The following KIAA1217 variants were observed in gnomAD, a reference collection of about 807,000 sequenced individuals.
KIAA1217 encodes the protein sickle tail protein homolog.
Under a neutral mutation model 163.9 loss-of-function variants are expected in KIAA1217, and 88 were observed. That is an observed-to-expected ratio of 0.54 (90% confidence interval 0.45 to 0.64). The LOEUF is 0.64. KIAA1217 is among the 30% of genes least tolerant of loss of function. KIAA1217 has a pLI of 0.00. For missense variants in KIAA1217, 2,372 were observed against 2,475.0 expected, an observed-to-expected ratio of 0.96 and a Z score of 0.88; for synonymous variants, 903 against 923.1, an observed-to-expected ratio of 0.98 and a Z score of 0.39.
chr10:24,062,611 G>A (rs2060773264), intron 2 of KIAA1217, among the ~76,000 whole-genome samples: 2 of 151,636 alleles, frequency 1.3e-5, no homozygotes, highest in Non-Finnish European at 2.9e-5. Flanking sequence ...GTGTGCATGT[G>A]TCTTTATAGC....
chr10:24,024,047 G>A (rs1363884620), intron 2 of KIAA1217, among the ~76,000 whole-genome samples: 3 of 151,314 alleles, frequency 2.0e-5, no homozygotes, highest in East Asian at 1.9e-4. Flanking sequence ...TGGTTACACA[G>A]GTGTATACAT....
intron 5 of KIAA1217, among the ~76,000 whole-genome samples, chr10:24,472,216 G>A (rs1289139171): frequency 2.0e-5 from 3 of 152,218 alleles, no homozygotes; most frequent in South Asian, 4.1e-4. Context: ...TGCTCTCTCA[G>A]GAGTGGCAGG....
intron 2 of KIAA1217, among the ~76,000 whole-genome samples, chr10:24,354,369 G>A (rs571066695): frequency 1.1e-4 from 17 of 152,280 alleles, no homozygotes; most frequent in African/African-American, 3.9e-4. Context: ...TGCAGGAGCC[G>A]GGGCAAGTGC....
intron 1 of KIAA1217, among the ~76,000 whole-genome samples, chr10:23,866,786 A>C (rs139947981): frequency 1.3e-5 from 2 of 152,200 alleles, no homozygotes; most frequent in African/African-American, 4.8e-5. Context: ...AGTTGGCCAT[A>C]CATTATAGAG....
rs77386070 is a variant in KIAA1217, at chr10:23,734,849, G to A, written c.-321+39615G>A. Among the ~76,000 whole-genome samples, 223 of 151,890 alleles carry A rather than the reference G, an allele frequency of 1.5e-3. 2 individuals carry two copies. In the East Asian group the frequency reaches 0.033, roughly 22 times the overall value. Reference sequence around the variant, plus strand: ...AAGTTCAGGGGCATATATCAGGCTCGTTATATAGGTGAACTTGTGTCATGG... The same window carrying A: ...AAGTTCAGGGGCATATATCAGGCTCATTATATAGGTGAACTTGTGTCATGG... On this transcript the variant is annotated intron_variant, in intron 1 of 18. Coordinates refer to the KIAA1217 transcript ENST00000376462.
chr10:24,009,695 C>A (rs1847159685), intron 2 of KIAA1217, among the ~76,000 whole-genome samples: 1 of 152,138 alleles, frequency 6.6e-6, no homozygotes, highest in Admixed American at 6.6e-5. Context: ...CAAGGTCACA[C>A]AGTCACTAAG....
intron 2 of KIAA1217, among the ~76,000 whole-genome samples, chr10:24,285,335 C>T (rs2078433502): frequency 6.6e-6 from 1 of 152,138 alleles, no homozygotes; most frequent in Non-Finnish European, 1.5e-5. Flanking sequence ...CCTCGGTTTT[C>T]TTCTAGGATT....
intron 3 of KIAA1217, among the ~76,000 whole-genome samples, chr10:24,397,292 G>A (rs768089565): frequency 6.6e-6 from 1 of 151,994 alleles, no homozygotes; most frequent in African/African-American, 2.4e-5. Context: ...ATTTCACTAT[G>A]TTGGCCAGGC....
intron 1 of KIAA1217, among the ~76,000 whole-genome samples, chr10:23,711,369 G>C (rs1837245502): frequency 6.6e-6 from 1 of 152,136 alleles, no homozygotes; most frequent in Admixed American, 6.5e-5. Context: ...TTACAAGAGG[G>C]AGGCAAGAGG....
chr10:24,322,377 T>G (rs960215718), intron 2 of KIAA1217, among the ~76,000 whole-genome samples: 4 of 152,174 alleles, frequency 2.6e-5, no homozygotes, highest in African/African-American at 9.7e-5. Flanking sequence ...CGGGGTAATC[T>G]CTGAAGTAGT....
chr10:24,282,995 G>A (rs1215317928), intron 2 of KIAA1217, among the ~76,000 whole-genome samples: 1 of 151,594 alleles, frequency 6.6e-6, no homozygotes, highest in African/African-American at 2.4e-5. Context: ...CATGATGCCT[G>A]GATAATTTTG....
At chr10:23,703,928 C>T (rs1836660958) in intron 1 of KIAA1217, among the ~76,000 whole-genome samples, 1 of 148,800 alleles carries the variant, frequency 6.7e-6, no homozygotes, top group African/African-American at 2.5e-5. Flanking sequence ...TTTTGTATTG[C>T]CAAAGAGCAA....
At chr10:23,908,778 G>A (rs913235327) in intron 1 of KIAA1217, among the ~76,000 whole-genome samples, 2 of 152,142 alleles carry the variant, frequency 1.3e-5, no homozygotes, top group Admixed American at 1.3e-4. Flanking sequence ...GGTGAACAGG[G>A]AACACTTCTA....
intron 5 of KIAA1217, among the ~76,000 whole-genome samples, chr10:24,441,184 A>C (rs932315454): frequency 2.6e-5 from 4 of 152,134 alleles, no homozygotes; most frequent in African/African-American, 9.7e-5. Flanking sequence ...AAGGAATTCG[A>C]TGCTAACTAC....
intron 2 of KIAA1217, among the ~76,000 whole-genome samples, chr10:24,324,289 G>A (rs11014028): frequency 0.15 from 23,396 of 151,378 alleles, 1,799 homozygotes; most frequent in Middle Eastern, 0.16. Context: ...GCAACAGGCC[G>A]GGCACTGTGG....
chr10:24,516,029 C>T (rs755032815), intron 10 of KIAA1217, among the ~76,000 whole-genome samples: 96 of 152,320 alleles, frequency 6.3e-4, no homozygotes, highest in Middle Eastern at 3.4e-3. Context: ...TATGACTGCA[C>T]CTCTGCATTC....
intron 6 of KIAA1217, among the ~76,000 whole-genome samples, chr10:24,483,734 T>C (rs911674077): frequency 6.6e-6 from 1 of 152,082 alleles, no homozygotes; most frequent in African/African-American, 2.4e-5. Context: ...GCCCATAACA[T>C]GAAGCAACTG....
At chr10:24,520,873 A>C (rs7916984) in intron 11 of KIAA1217, among the ~76,000 whole-genome samples, 85,480 of 147,750 alleles carry the variant, frequency 0.58, 26,599 homozygotes, top group African/African-American at 0.82. Context: ...AAAATAAAAA[A>C]CAAAAAATAA....
At chr10:23,926,463 G>A (rs1428127396) in intron 1 of KIAA1217, among the ~76,000 whole-genome samples, 3 of 152,096 alleles carry the variant, frequency 2.0e-5, no homozygotes, top group Non-Finnish European at 4.4e-5. Flanking sequence ...AGTGGCTCAC[G>A]CCTGTAATCC....
Sources: allele counts gnomAD v4.1 joint callset (sites outside exome capture counted in the v4.1 genomes callset), GRCh38; gene constraint gnomAD v4.1.1; transcripts MANE v1.5; gene names NCBI Gene and HGNC (gene_info 2026-07-23, HGNC 2026-07-21).